Variants in NOD2 observed in about 807,000 individuals in gnomAD.
NOD2 encodes nucleotide-binding oligomerization domain-containing protein 2.
NOD2 carries 86 observed loss-of-function variants against 90.9 expected under a neutral mutation model. The observed-to-expected ratio is 0.95, with a 90% CI of 0.79 to 1.13. The LOEUF (loss-of-function observed/expected upper bound fraction) is 1.13. NOD2 is among the 50% of genes most tolerant of loss of function. The pLI is 0.00. For missense variants in NOD2, 1,238 were observed against 1,283.8 expected (o/e 0.96, Z 0.55); for synonymous variants, 581 against 554.6 (o/e 1.05, Z -0.67).
chr16:50,720,979 A>AT (rs1397569903), intron 7 of NOD2, among the ~76,000 whole-genome samples: 1 of 151,920 alleles, frequency 6.6e-6, no homozygotes, highest in Non-Finnish European at 1.5e-5. Flanking sequence ...TAATTTTTGT[A>AT]TTTTTAGTAG....
In NOD2 at chr16:50,711,628, G is replaced by A. The variant is rs765280724; in HGVS notation, c.1636G>A (p.Ala546Thr). The A allele has an allele frequency of 3.7e-6, 6 of 1,612,278 alleles. No individual in the cohort carries two copies. In the East Asian group the frequency reaches 1.1e-4, roughly 30 times the overall value. ...YVFSAQQLQA[A>T]QVSPDDISLG... ...GTTCTCAGCCCAGCAGCTCCAGGCA[G>A]CACAGGTCAGCCCTGATGACATTTC... The change falls in exon 4 of 12, where the codon GCA (alanine) becomes ACA (threonine). Residue 546 changes from alanine (A) to threonine (T), a missense_variant. By Grantham distance (58) the Ala-to-Thr change is moderately conservative. Coordinates refer to ENST00000647318, the MANE Select transcript of NOD2 (RefSeq NM_001370466.1).
chr16:50,704,932 G>A (rs1964117761), intron 2 of NOD2, among the ~76,000 whole-genome samples: 1 of 152,202 alleles, frequency 6.6e-6, no homozygotes, highest in Non-Finnish European at 1.5e-5. Flanking sequence ...AGTCACCCAA[G>A]AGGTACTTTC....
intron 11 of NOD2, among the ~76,000 whole-genome samples, chr16:50,730,667 T>C (rs1965423199): frequency 6.6e-6 from 1 of 152,218 alleles, no homozygotes; most frequent in African/African-American, 2.4e-5. Context: ...CTGGGAACTC[T>C]GGATGCCCAT....
intron 3 of NOD2, among the ~76,000 whole-genome samples, chr16:50,708,362 G>A (rs145522024): frequency 1.3e-5 from 2 of 152,164 alleles, no homozygotes; most frequent in Admixed American, 6.5e-5. Flanking sequence ...GAACCAAGTG[G>A]ATCTAGAGAC....
At chr16:50,721,319 A>G (rs1965046154) in intron 7 of NOD2, among the ~76,000 whole-genome samples, 1 of 147,720 alleles carries the variant, frequency 6.8e-6, no homozygotes, top group Non-Finnish European at 1.5e-5. Flanking sequence ...TTGTGCTAAA[A>G]CCCCCAAACG....
Position 50,729,861 on chromosome 16 carries a change from C to T in NOD2, c.2929C>T (p.Leu977=). 6.2e-7 allele frequency: 1 copy of T among 1,613,166 alleles called. No individual in the cohort carries two copies. ...CACCTACCTAGGGGCAGAAGCCCTC[C>T]TGCAGGCCCTTGAAAGGAATGACAC... The part of the protein sequence containing the change: ...CITYLGAEAL[L]QALERNDTIL... The change falls in exon 11 of 12, where the codon CTG becomes TTG. Residue 977 remains leucine (L), a synonymous_variant. Transcript: ENST00000647318.
intron 2 of NOD2, among the ~76,000 whole-genome samples, chr16:50,700,309 A>G (rs1963882603): frequency 6.6e-6 from 1 of 151,536 alleles, no homozygotes; most frequent in African/African-American, 2.4e-5. Context: ...TTTCTTTTAG[A>G]GATGGGGTGT....
chr16:50,709,635 G>C (rs375503739), intron 3 of NOD2, among the ~76,000 whole-genome samples: 7 of 152,098 alleles, frequency 4.6e-5, no homozygotes, highest in African/African-American at 1.7e-4. Context: ...GGGGCACCCC[G>C]GTGACCCCGA....
At chr16:50,719,349 C>T (rs1214171417) in intron 6 of NOD2, among the ~76,000 whole-genome samples, 1 of 152,182 alleles carries the variant, frequency 6.6e-6, no homozygotes, top group Non-Finnish European at 1.5e-5. Flanking sequence ...TCTGGGGCTT[C>T]TCCGAAGCTC....
chr16:50,698,251 T>C (rs1392513081), intron 1 of NOD2, among the ~76,000 whole-genome samples: 2 of 152,196 alleles, frequency 1.3e-5, no homozygotes, highest in Admixed American at 6.5e-5. Flanking sequence ...TCAGGGACCC[T>C]GCCAGGGCTT....
intron 4 of NOD2, 138 bp downstream of exon 4, chr16:50,712,511 T>G (rs1964587190): frequency 4.8e-6 from 5 of 1,037,448 alleles, no homozygotes; most frequent in Non-Finnish European, 7.3e-6. Flanking sequence ...CCCAGATCCC[T>G]TCCCTTCTGG....
At chr16:50,693,789 C>G (rs1423397611) in intron 1 of NOD2, 127 bp downstream of exon 1, 1 of 152,306 alleles carries the variant, frequency 6.6e-6, no homozygotes, top group African/African-American at 2.4e-5. Context: ...CAAGGGTTGC[C>G]TCGGTTTCTC....
At chr16:50,698,742 G>C (rs1407919472) in intron 1 of NOD2, among the ~76,000 whole-genome samples, 1 of 152,102 alleles carries the variant, frequency 6.6e-6, no homozygotes, top group African/African-American at 2.4e-5. Flanking sequence ...TGGCTGGGAG[G>C]GTTCAGTGAA....
At chr16:50,710,309 A>G (rs1283440682) in intron 3 of NOD2, among the ~76,000 whole-genome samples, 1 of 152,208 alleles carries the variant, frequency 6.6e-6, no homozygotes, top group East Asian at 1.9e-4. Flanking sequence ...ATCTTAGTTG[A>G]TCCGTGTAAA....
rs200089552 is a variant in NOD2 at position 50,699,541 on chromosome 16, G to C, written c.46G>C (p.Glu16Gln). 1.2e-6 allele frequency: 2 copies of C among 1,613,956 alleles called. No individual in the cohort carries two copies. Among genetic ancestry groups the C allele is most frequent in the Non-Finnish European group, 1.7e-6 (2 of 1,180,004 alleles). The change falls in exon 2 of 12, where the codon GAG becomes CAG. Residue 16 changes from glutamate to glutamine, a missense_variant. By Grantham distance (29) the Glu-to-Gln change is conservative. Around this residue, in one of 3 missense-constraint regions of NOD2, gnomAD observed 567 missense variants for 577.3 expected, o/e 0.98. Coordinates refer to ENST00000647318, the MANE Select transcript of NOD2 (RefSeq NM_001370466.1). ...AFQAQRSQLV[E>Q]LLVSGSLEGF... ...TCAGGCACAGAGGAGCCAGCTGGTC[G>C]AGCTGCTGGTCTCAGGGTCCCTGGA...
chr16:50,696,594 A>G (rs1474122956), intron 1 of NOD2: 2 of 152,624 alleles, frequency 1.3e-5, no homozygotes, highest in Non-Finnish European at 2.9e-5. Flanking sequence ...AACTGAAGCT[A>G]GACATAATGA....
In NOD2 at chr16:50,711,120, C is replaced by G; in HGVS notation, c.1128C>G (p.Val376=). The G allele has an allele frequency of 6.2e-7, 1 of 1,614,190 alleles. No individual in the cohort carries two copies. Among genetic ancestry groups the G allele is most frequent in the South Asian group, 1.1e-5 (1 of 91,086 alleles). The change falls in exon 4 of 12, where the codon GTC becomes GTG. Residue 376 remains valine, a synonymous_variant. Transcript: ENST00000647318. ...RHCSPTDPTS[V]QTLLFNLLQG... ...GCTCCCCGACCGACCCCACCTCTGT[C>G]CAGACCCTGCTCTTCAACCTTCTGC...
chr16:50,720,120 G>C, intron 7 of NOD2, 112 bp downstream of exon 7: 1 of 923,758 alleles, frequency 1.1e-6, no homozygotes, highest in Non-Finnish European at 1.7e-6. Context: ...CCCAGCTCCA[G>C]TGGGGAGGAC....
chr16:50,730,210 C>T (rs1481540114), intron 11 of NOD2, among the ~76,000 whole-genome samples: 1 of 152,198 alleles, frequency 6.6e-6, no homozygotes, highest in East Asian at 1.9e-4. Context: ...CTCCCGCCCT[C>T]CTAGAAATTG....
Sources: gnomAD v4.1 joint callset for allele counts (sites outside exome capture counted in the v4.1 genomes callset) on GRCh38, gnomAD v4.1.1 for gene constraint, gnomAD v4.1.1 regional missense constraint, MANE v1.5 for transcripts, NCBI Gene and HGNC (gene_info 2026-07-23, HGNC 2026-07-21) for gene names.